The following CNTN4 variants were observed in gnomAD, a reference collection of about 807,000 sequenced individuals.
CNTN4 encodes contactin-4.
In CNTN4, 77 loss-of-function variants were observed where a neutral mutation model predicts 122.5. The observed-to-expected ratio is 0.63, with a 90% CI of 0.52 to 0.76. The LOEUF is 0.76. CNTN4 is among the 30% of genes least tolerant of loss of function. The probability of loss-of-function intolerance (pLI) is 0.00; values close to 1 mark genes in which losing one functional copy is unlikely to be tolerated. For synonymous variants in CNTN4, 512 were observed against 447.0 expected (o/e 1.15, Z -1.83); for missense variants, 1,256 against 1,259.1 (o/e 1.00, Z 0.04).
At chr3:2,193,857 C>G (rs565443048) in intron 2 of CNTN4, among the ~76,000 whole-genome samples, 2 of 152,258 alleles carry the variant, frequency 1.3e-5, no homozygotes, top group East Asian at 3.9e-4. Context: ...ACATGCTATA[C>G]AGGTTTGCAG....
Position 2,103,658 on chromosome 3 carries a change from C to G in CNTN4, c.-145+3019C>G, listed in dbSNP as rs148516092. On this transcript the variant is annotated intron_variant, in intron 2 of 24. Transcript: ENST00000418658. ...AAAGGTATTGCTCTTTATCAATATCCCCATCCTCCAAGAAAGGAAACCCTC... is the reference window on the plus strand; with the variant it reads ...AAAGGTATTGCTCTTTATCAATATCGCCATCCTCCAAGAAAGGAAACCCTC... Among the ~76,000 whole-genome samples the G allele has an allele frequency of 3.3e-3, 497 of 152,258 alleles. 4 individuals carry two copies. The highest frequency in any genetic ancestry group is 0.012 in the African/African-American group (485 of 41,546).
chr3:2,453,025 G>A (rs1287327179), intron 3 of CNTN4, among the ~76,000 whole-genome samples: 1 of 152,046 alleles, frequency 6.6e-6, no homozygotes, highest in Non-Finnish European at 1.5e-5. Flanking sequence ...TATTCGTAAT[G>A]TTCATCTGAG....
At chr3:2,562,930 G>A (rs557107694) in intron 3 of CNTN4, among the ~76,000 whole-genome samples, 1 of 151,816 alleles carries the variant, frequency 6.6e-6, no homozygotes, top group African/African-American at 2.4e-5. Context: ...ATCCCCCTGT[G>A]TTGCCCTGGC....
chr3:2,394,617 TAAG>T (rs1269866334), intron 3 of CNTN4, among the ~76,000 whole-genome samples: 1 of 152,158 alleles, frequency 6.6e-6, no homozygotes, highest in African/African-American at 2.4e-5. Flanking sequence ...TCATGTGTTA[TAAG>T]TCAGGGTATA....
chr3:2,732,486 A>G (rs1032429701), intron 4 of CNTN4, among the ~76,000 whole-genome samples: 1 of 150,594 alleles, frequency 6.6e-6, no homozygotes, highest in African/African-American at 2.5e-5. Flanking sequence ...CTGGTTACAT[A>G]GAACAACTTA....
At chr3:2,135,014 AT>A (rs2034622899) in intron 2 of CNTN4, among the ~76,000 whole-genome samples, 1 of 152,220 alleles carries the variant, frequency 6.6e-6, no homozygotes, top group African/African-American at 2.4e-5. Flanking sequence ...AAAATTGACC[AT>A]CACAGCCCCT....
intron 2 of CNTN4, among the ~76,000 whole-genome samples, chr3:2,176,197 C>T (rs2036741290): frequency 6.6e-6 from 1 of 152,100 alleles, no homozygotes; most frequent in Non-Finnish European, 1.5e-5. Context: ...GCAGATTCTT[C>T]AACAGTAGGG....
intron 3 of CNTN4, chr3:2,362,313 G>T (rs1046299276): frequency 9.3e-6 from 2 of 215,166 alleles, no homozygotes; most frequent in Non-Finnish European, 1.9e-5. Context: ...AGCCATGGCG[G>T]CCCCAGGGCT....
chr3:2,980,628 C>G (rs113194573), intron 13 of CNTN4, among the ~76,000 whole-genome samples: 4,545 of 152,266 alleles, frequency 0.03, 179 homozygotes, highest in African/African-American at 0.079. Context: ...CGTTTGACAT[C>G]TCATGCCAAG....
intron 14 of CNTN4, among the ~76,000 whole-genome samples, chr3:3,024,814 G>A (rs1180222593): frequency 2.0e-5 from 3 of 152,186 alleles, no homozygotes; most frequent in African/African-American, 7.2e-5. Context: ...AAATTCTCCT[G>A]TCAGATATAA....
chr3:2,484,643 C>T (rs2076094279), intron 3 of CNTN4, among the ~76,000 whole-genome samples: 1 of 152,224 alleles, frequency 6.6e-6, no homozygotes, highest in Non-Finnish European at 1.5e-5. Context: ...GTGTCAACGG[C>T]TACAAGGACA....
intron 4 of CNTN4, among the ~76,000 whole-genome samples, chr3:2,586,106 A>G (rs1427129731): frequency 6.6e-6 from 1 of 152,118 alleles, no homozygotes; most frequent in Non-Finnish European, 1.5e-5. Flanking sequence ...GTACCTCTGT[A>G]TTATAGATGG....
chr3:2,249,747 G>T (rs1053020223), intron 2 of CNTN4, among the ~76,000 whole-genome samples: 1 of 151,874 alleles, frequency 6.6e-6, no homozygotes, highest in Non-Finnish European at 1.5e-5. Flanking sequence ...AGTGGGTAAT[G>T]GTTGTCCCAT....
intron 4 of CNTN4, chr3:2,735,766 T>A: frequency 5.8e-6 from 2 of 346,598 alleles, no homozygotes; most frequent in Non-Finnish European, 1.1e-5. Flanking sequence ...CATTATTGAC[T>A]TATTTACAGT....
At position 2,722,353 on chromosome 3, in the gene CNTN4, G is replaced by A. The variant is rs535988275; in HGVS notation, c.56-13862G>A. Among the ~76,000 whole-genome samples, 5 of 152,272 alleles carry A rather than the reference G, an allele frequency of 3.3e-5. No homozygotes were observed. In the East Asian group the frequency reaches 9.7e-4, roughly 29 times the overall value. ...AGTGGGTACTCAGTAAATACTTGTT[G>A]AATGAATGAAAGATGTTAATCCATT... On this transcript the variant is annotated intron_variant, in intron 4 of 24. Transcript: ENST00000418658.
intron 8 of CNTN4, among the ~76,000 whole-genome samples, chr3:2,876,550 G>A (rs2093846953): frequency 6.6e-6 from 1 of 152,112 alleles, no homozygotes; most frequent in Non-Finnish European, 1.5e-5. Context: ...ACAGATGCCA[G>A]CTAAGGCAGG....
intron 2 of CNTN4, among the ~76,000 whole-genome samples, chr3:2,207,553 C>A (rs1171760435): frequency 6.6e-6 from 1 of 152,062 alleles, no homozygotes; most frequent in Admixed American, 6.6e-5. Flanking sequence ...AAAGACCTAA[C>A]CCTAATCCAG....
chr3:2,930,756 T>C (rs1429053411), intron 13 of CNTN4, among the ~76,000 whole-genome samples: 1 of 152,138 alleles, frequency 6.6e-6, no homozygotes, highest in East Asian at 1.9e-4. Flanking sequence ...TTTCATTCCA[T>C]GGATGCAGCA....
chr3:2,333,170 T>A (rs976908789), intron 2 of CNTN4, among the ~76,000 whole-genome samples: 20 of 152,206 alleles, frequency 1.3e-4, no homozygotes, highest in Non-Finnish European at 2.4e-4. Flanking sequence ...ACTGCTGTTC[T>A]CAATCCCCTC....
Sources: gnomAD v4.1 joint callset for allele counts (sites outside exome capture counted in the v4.1 genomes callset) on GRCh38, gnomAD v4.1.1 for gene constraint, MANE v1.5 for transcripts, NCBI Gene and HGNC (gene_info 2026-07-23, HGNC 2026-07-21) for gene names.